Variants in IQCM observed in about 807,000 individuals in gnomAD.
IQCM encodes the protein IQ motif containing M.
Under a neutral mutation model 57.6 loss-of-function variants are expected in IQCM, and 45 were observed. The ratio of observed to expected loss-of-function variants is 0.78; its 90% confidence interval spans 0.62 to 1.00. The LOEUF (loss-of-function observed/expected upper bound fraction) is 1.00. Ranked by LOEUF, IQCM falls within the 50% of genes least tolerant of loss-of-function variation. IQCM has a pLI of 0.00. For missense variants in IQCM, 468 were observed against 511.6 expected (o/e 0.91, Z 0.82); for synonymous variants, 148 against 158.9 (o/e 0.93, Z 0.51).
chr4:149,733,548 T>A, intron 4 of IQCM, 40 bp from the exon 5 acceptor site: 1 of 985,406 alleles, frequency 1.0e-6, no homozygotes, highest in Non-Finnish European at 1.3e-6. Context: ...AAAATTTAAT[T>A]TTAGTATGCA....
intron 5 of IQCM, among the ~76,000 whole-genome samples, chr4:149,723,987 G>T (rs1244723727): frequency 6.6e-6 from 1 of 151,092 alleles, no homozygotes; most frequent in African/African-American, 2.4e-5. Flanking sequence ...TTACTGGTCT[G>T]TTCAGGATTT....
chr4:149,768,235 T>G (rs1561252611), intron 2 of IQCM, among the ~76,000 whole-genome samples: 1 of 152,112 alleles, frequency 6.6e-6, no homozygotes, highest in Non-Finnish European at 1.5e-5. Context: ...AAGACATAAT[T>G]TCAAAATCCT....
At chr4:149,590,396 T>C (rs1353700541) in intron 8 of IQCM, among the ~76,000 whole-genome samples, 1 of 151,840 alleles carries the variant, frequency 6.6e-6, no homozygotes, top group Non-Finnish European at 1.5e-5. Flanking sequence ...TTCACCTCTA[T>C]TTTCTCTTAA....
chr4:149,617,109 C>T (rs902006175), intron 8 of IQCM, among the ~76,000 whole-genome samples: 1 of 152,026 alleles, frequency 6.6e-6, no homozygotes, highest in Non-Finnish European at 1.5e-5. Context: ...GCATGTGCCA[C>T]CACTCCTGGC....
chr4:149,355,446 A>C (rs1016801714), intron 13 of IQCM, among the ~76,000 whole-genome samples: 2 of 125,246 alleles, frequency 1.6e-5, no homozygotes, highest in Non-Finnish European at 3.1e-5. Context: ...TCCTGTGTCT[A>C]TGTGTTCTCA....
At chr4:149,562,080 C>T (rs1045471764) in intron 10 of IQCM, among the ~76,000 whole-genome samples, 1 of 152,156 alleles carries the variant, frequency 6.6e-6, no homozygotes, top group Admixed American at 6.5e-5. Context: ...TGAAGCTTAA[C>T]AAAAGGCAAG....
At chr4:149,403,497 A>G (rs1732762458) in intron 13 of IQCM, among the ~76,000 whole-genome samples, 1 of 151,970 alleles carries the variant, frequency 6.6e-6, no homozygotes, top group Non-Finnish European at 1.5e-5. Context: ...GAGCAATAGC[A>G]ATTTGCTATG....
At chr4:149,402,681 T>C (rs1732701746) in intron 13 of IQCM, among the ~76,000 whole-genome samples, 1 of 151,872 alleles carries the variant, frequency 6.6e-6, no homozygotes, top group Admixed American at 6.6e-5. Flanking sequence ...TGTGTAACAA[T>C]GCTTTACTAA....
chr4:149,556,996 G>T (rs1442898341), intron 10 of IQCM, among the ~76,000 whole-genome samples: 1 of 152,038 alleles, frequency 6.6e-6, no homozygotes, highest in African/African-American at 2.4e-5. Flanking sequence ...AAACATTCTT[G>T]GTCAACTTTA....
At position 149,404,018 on chromosome 4, in the gene IQCM, C is replaced by G. The variant is rs568621852; in HGVS notation, c.1390+29378G>C. Among the ~76,000 whole-genome samples the G allele has an allele frequency of 1.9e-4, 29 of 152,038 alleles. No homozygotes were observed. In the South Asian group the frequency reaches 6.0e-3, roughly 32 times the overall value. On this transcript the variant is annotated intron_variant, in intron 13 of 13. Transcript: ENST00000636793. ...TCTTTAATTATCAAGTATTAGCAAG[C>G]ATTTATTAAGTGCTTAATATTTGCT...
rs1473398806 is a variant in IQCM, at chr4:149,514,317, T to C, written c.1228+34138A>G. 2.0e-5 allele frequency among the ~76,000 whole-genome samples: 3 copies of C among 152,196 alleles called. No homozygotes were observed. In the East Asian group the frequency reaches 5.8e-4, roughly 29 times the overall value. On this transcript the variant is annotated intron_variant, in intron 12 of 13. Transcript: ENST00000636793. ...TAATTGTGAAAGAACATGCTAAATA[T>C]ATATTAGGATTCCTCTCTTCTCCTC...
chr4:149,748,393 T>C (rs1768124261), intron 2 of IQCM, among the ~76,000 whole-genome samples: 1 of 152,234 alleles, frequency 6.6e-6, no homozygotes, highest in Admixed American at 6.5e-5. Context: ...ATTTAAATCT[T>C]TAAATCACAA....
chr4:149,735,949 T>TTTA (rs1477162490), intron 3 of IQCM, among the ~76,000 whole-genome samples: 3 of 147,470 alleles, frequency 2.0e-5, no homozygotes, highest in African/African-American at 7.4e-5. Context: ...TCTTTCGACT[T>TTTA]TTTTTTTTTT....
intron 5 of IQCM, among the ~76,000 whole-genome samples, chr4:149,693,228 G>T (rs1049247547): frequency 1.3e-5 from 2 of 152,060 alleles, no homozygotes; most frequent in East Asian, 3.9e-4. Context: ...GCTATTGTGT[G>T]TTCCCCAAAG....
chr4:149,758,088 C>G (rs1444817380), intron 2 of IQCM, among the ~76,000 whole-genome samples: 1 of 152,050 alleles, frequency 6.6e-6, no homozygotes, highest in Non-Finnish European at 1.5e-5. Context: ...ATAAGTGGAA[C>G]AGAATGGATA....
chr4:149,578,097 T>C (rs925310816), intron 9 of IQCM, among the ~76,000 whole-genome samples: 2 of 151,796 alleles, frequency 1.3e-5, no homozygotes, highest in African/African-American at 4.8e-5. Flanking sequence ...CTGAAGTTTA[T>C]CAGATCACGG....
chr4:149,648,380 A>AT (rs1221796396), intron 7 of IQCM, among the ~76,000 whole-genome samples: 2 of 152,056 alleles, frequency 1.3e-5, no homozygotes, highest in Non-Finnish European at 2.9e-5. Flanking sequence ...TGAACTCATC[A>AT]TTTTTTATGG....
chr4:149,755,481 T>C (rs1482228920), intron 2 of IQCM, among the ~76,000 whole-genome samples: 2 of 152,142 alleles, frequency 1.3e-5, no homozygotes, highest in Non-Finnish European at 2.9e-5. Context: ...ATTTGCTACC[T>C]TATTTGCCTG....
chr4:149,623,654 A>G (rs1437169823), intron 7 of IQCM, among the ~76,000 whole-genome samples: 13 of 151,906 alleles, frequency 8.6e-5, no homozygotes, highest in African/African-American at 2.7e-4. Flanking sequence ...ATCTTCACAA[A>G]CCCTTCCTGG....
Sources: allele counts gnomAD v4.1 joint callset (sites outside exome capture counted in the v4.1 genomes callset), GRCh38; gene constraint gnomAD v4.1.1; transcripts MANE v1.5; gene names NCBI Gene and HGNC (gene_info 2026-07-23, HGNC 2026-07-21).